The following TTC28 variants were observed in gnomAD, a reference collection of about 807,000 sequenced individuals.
The protein encoded by TTC28 is tetratricopeptide repeat protein 28.
Under a neutral mutation model 198.0 loss-of-function variants are expected in TTC28, and 61 were observed. The observed-to-expected ratio is 0.31, with a 90% confidence interval of 0.25 to 0.38. The LOEUF is 0.38. Ranked by LOEUF, TTC28 falls within the 10% of genes least tolerant of loss-of-function variation. TTC28 has a pLI of 1.00. For synonymous variants in TTC28, 1,171 were observed against 1,297.8 expected (o/e 0.90, Z 2.10); for missense variants, 2,678 against 3,164.0 (o/e 0.85, Z 3.69).
chr22:28,355,834 T>C (rs2046069224), intron 2 of TTC28, among the ~76,000 whole-genome samples: 1 of 152,194 alleles, frequency 6.6e-6, no homozygotes, highest in South Asian at 2.1e-4. Flanking sequence ...TGCTTTACTA[T>C]GGAGTCCAGA....
At chr22:28,535,072 A>G (rs1373646448) in intron 2 of TTC28, among the ~76,000 whole-genome samples, 1 of 152,190 alleles carries the variant, frequency 6.6e-6, no homozygotes, top group African/African-American at 2.4e-5. Flanking sequence ...TAATAATAAA[A>G]AAAAGAAAGA....
At chr22:28,622,722 A>T (rs2051019452) in intron 2 of TTC28, among the ~76,000 whole-genome samples, 1 of 152,234 alleles carries the variant, frequency 6.6e-6, no homozygotes, top group African/African-American at 2.4e-5. Flanking sequence ...ATGAATGTTA[A>T]ATGTAAAGGC....
chr22:28,163,043 T>A (rs1360673567), intron 6 of TTC28, 49 bp downstream of exon 6: 2 of 1,486,534 alleles, frequency 1.3e-6, no homozygotes, highest in Non-Finnish European at 1.8e-6. Flanking sequence ...TCCAGCTATT[T>A]CCAGCTCATG....
chr22:28,408,718 GC>G (rs2146126333), intron 2 of TTC28, among the ~76,000 whole-genome samples: 1 of 152,310 alleles, frequency 6.6e-6, no homozygotes, highest in East Asian at 1.9e-4. Context: ...TCAATCTTAA[GC>G]CAGTGCTTTT....
intron 2 of TTC28, among the ~76,000 whole-genome samples, chr22:28,471,080 A>G (rs2048091153): frequency 6.6e-6 from 1 of 152,218 alleles, no homozygotes; most frequent in Non-Finnish European, 1.5e-5. Context: ...ATTTTCAACA[A>G]TGAAAAATGA....
At chr22:28,492,715 G>A (rs951427522) in intron 2 of TTC28, among the ~76,000 whole-genome samples, 1 of 152,108 alleles carries the variant, frequency 6.6e-6, no homozygotes, top group African/African-American at 2.4e-5. Context: ...AAATGATGAG[G>A]AGATAGGGCT....
At chr22:28,458,009 TGTG>T (rs2047890472) in intron 2 of TTC28, among the ~76,000 whole-genome samples, 1 of 152,132 alleles carries the variant, frequency 6.6e-6, no homozygotes, top group Admixed American at 6.5e-5. Flanking sequence ...ATATTATAAA[TGTG>T]TATCTTTTTT....
At chr22:28,153,570 A>G (rs1943666446) in intron 6 of TTC28, among the ~76,000 whole-genome samples, 1 of 152,130 alleles carries the variant, frequency 6.6e-6, no homozygotes, top group South Asian at 2.1e-4. Flanking sequence ...GTAGGTTTCA[A>G]TAATCACTTG....
chr22:28,026,622 C>T (rs905469136), intron 13 of TTC28, among the ~76,000 whole-genome samples: 1 of 152,196 alleles, frequency 6.6e-6, no homozygotes, highest in African/African-American at 2.4e-5. Context: ...CTTATCCAGT[C>T]TTCTGTGAGA....
chr22:28,133,184 T>C (rs1329408223), intron 6 of TTC28, among the ~76,000 whole-genome samples: 5 of 152,166 alleles, frequency 3.3e-5, no homozygotes, highest in Non-Finnish European at 7.3e-5. Flanking sequence ...GATCGTGCCA[T>C]TGCACTCCAG....
intron 2 of TTC28, among the ~76,000 whole-genome samples, chr22:28,472,679 T>C (rs1394407091): frequency 6.6e-6 from 1 of 151,928 alleles, no homozygotes; most frequent in Non-Finnish European, 1.5e-5. Flanking sequence ...AGGCAAGTTA[T>C]ATCTGCATAA....
chr22:28,306,002 C>T (rs949394116), intron 3 of TTC28, among the ~76,000 whole-genome samples: 2 of 152,012 alleles, frequency 1.3e-5, no homozygotes, highest in African/African-American at 4.8e-5. Flanking sequence ...TCTTTTAATG[C>T]TCCTCTGAAA....
intron 6 of TTC28, among the ~76,000 whole-genome samples, chr22:28,134,239 T>C (rs563850360): frequency 1.3e-5 from 2 of 151,966 alleles, no homozygotes; most frequent in African/African-American, 2.4e-5. Flanking sequence ...CAAAGGTAGA[T>C]AAAACCACAA....
chr22:28,093,930 T>C, intron 12 of TTC28, 150 bp downstream of exon 12: 1 of 777,854 alleles, frequency 1.3e-6, no homozygotes, highest in Non-Finnish European at 2.0e-6. Flanking sequence ...CAGAGACACA[T>C]ATTTGTTTCT....
chr22:28,612,165 G>A (rs1360390813), intron 2 of TTC28, among the ~76,000 whole-genome samples: 1 of 152,068 alleles, frequency 6.6e-6, no homozygotes, highest in Non-Finnish European at 1.5e-5. Context: ...AAAAAAAGCA[G>A]GGGTTGCAAT....
At position 28,284,797 on chromosome 22, in the gene TTC28, T is replaced by G. The variant is rs539389133; in HGVS notation, c.933+11401A>C. Among the ~76,000 whole-genome samples, 3 of 152,248 alleles carry G rather than the reference T, an allele frequency of 2.0e-5. No individual in the cohort carries two copies. The South Asian group carries it at 6.2e-4, about 32-fold the overall frequency. Reference sequence around the variant, plus strand: ...TGCAAAACAAAATCACAATAAGATATCACCTCATAGCTCTTATGATGGCTA... The same window carrying G: ...TGCAAAACAAAATCACAATAAGATAGCACCTCATAGCTCTTATGATGGCTA... On this transcript the variant is annotated intron_variant, in intron 5 of 22. Transcript: ENST00000397906.
chr22:28,537,297 A>AAACTAAAC (rs1569008972), intron 2 of TTC28, among the ~76,000 whole-genome samples: 1 of 98,248 alleles, frequency 1.0e-5, no homozygotes, highest in South Asian at 2.8e-4. Flanking sequence ...CGTCTCAAAA[A>AAACTAAAC]TAAAATAAAA....
intron 2 of TTC28, among the ~76,000 whole-genome samples, chr22:28,432,208 C>T (rs2047442008): frequency 1.3e-5 from 2 of 151,632 alleles, no homozygotes; most frequent in Admixed American, 6.6e-5. Context: ...ATGGCGTGAA[C>T]CTGGGAGGTG....
intron 19 of TTC28, 82 bp downstream of exon 19, chr22:27,992,505 T>A: frequency 7.1e-7 from 1 of 1,402,872 alleles, no homozygotes. Context: ...ACTTACAGGT[T>A]CCTATTTAGG....
Sources: allele counts gnomAD v4.1 joint callset (sites outside exome capture counted in the v4.1 genomes callset), GRCh38; gene constraint gnomAD v4.1.1; transcripts MANE v1.5; gene names NCBI Gene and HGNC (gene_info 2026-07-23, HGNC 2026-07-21).